CAMSAP3: variants seen among roughly 807,000 people sequenced by gnomAD.
CAMSAP3 encodes the protein calmodulin regulated spectrin associated protein family member 3, also known as calmodulin-regulated spectrin-associated protein 3.
A neutral mutation model predicts 112.5 loss-of-function variants in CAMSAP3; 34 were observed. The observed-to-expected ratio is 0.30, with a 90% confidence interval of 0.23 to 0.40. The LOEUF (loss-of-function observed/expected upper bound fraction) is 0.40, where lower values mean the gene tolerates loss of function less well. CAMSAP3 is among the 10% of genes least tolerant of loss of function. CAMSAP3 has a pLI of 1.00. For missense variants in CAMSAP3, 1,602 were observed against 1,770.3 expected, an observed-to-expected ratio of 0.90 and a Z score of 1.71; for synonymous variants, 868 against 799.8, an observed-to-expected ratio of 1.09 and a Z score of -1.44.
Position 7,617,777 on chromosome 19 carries a change from A to G in CAMSAP3, c.3470A>G (p.His1157Arg). The change falls in exon 17 of 17, where the codon CAC becomes CGC. Residue 1157 changes from histidine to arginine, a missense_variant. Physicochemically the swap from His to Arg is conservative, Grantham distance 29. Coordinates refer to ENST00000160298, the MANE Select transcript of CAMSAP3 (RefSeq NM_020902.2). The surrounding 1 kb of genome is among the most constrained non-coding windows in gnomAD (Gnocchi z 7.5). ...LEEIEKSKAN[H>R]FLILFRDSSC... ...GAAATTGAGAAAAGCAAGGCCAACC[A>G]CTTCCTGATCCTCTTTCGCGACTCG... 6.2e-7 allele frequency: 1 copy of G among 1,612,616 alleles called. No individual in the cohort carries two copies. The highest frequency in any genetic ancestry group is 8.5e-7 in the Non-Finnish European group (1 of 1,178,958).
chr19:7,595,975 A>ACCCGGCGCCCGCAGC lies in CAMSAP3; in HGVS notation c.-18_-4dup, dbSNP rs2024428281. ...CCAGCCCAGCCCAGTCCGAGCGCGGACCCGGCGCCCGCAGCCCCGGCGCCG... is the reference window on the plus strand; with the variant it reads ...CCAGCCCAGCCCAGTCCGAGCGCGGACCCGGCGCCCGCAGCCCCGGCGCCCGCAGCCCCGGCGCCG... On this transcript the variant is annotated 5_prime_UTR_variant, in exon 1 of 17. Transcript: ENST00000160298. 11 of 1,036,258 alleles carry ACCCGGCGCCCGCAGC rather than the reference A, an allele frequency of 1.1e-5. No homozygotes were observed. The highest frequency in any genetic ancestry group is 1.0e-5 in the Non-Finnish European group (9 of 858,316). The allele number at this position is 1,036,258 out of a possible 1,614,324, so 64.2% of individuals were successfully genotyped here.
chr19:7,605,205 T>C (rs1341491650), intron 1 of CAMSAP3, 21 bp from the exon 2 acceptor site: 1 of 1,438,086 alleles, frequency 7.0e-7, no homozygotes, highest in Non-Finnish European at 9.3e-7. Context: ...ACCCCCGTGT[T>C]TCCCCTCTAT....
At chr19:7,614,714 C>G in intron 11 of CAMSAP3, 1 of 196,274 alleles carries the variant, frequency 5.1e-6, no homozygotes, top group Admixed American at 5.4e-5. Flanking sequence ...CTTGTACTTC[C>G]GTGCCCCCCA....
At position 7,611,033 on chromosome 19, in the gene CAMSAP3, C is replaced by T; in HGVS notation, c.1050-62C>T. The stretch of plus-strand genomic sequence containing the variant: ...GCAGCTGGGTGATGCTGTTGTCTCC[C>T]CCCGGGGAGAGGCGGAGGAGGAGGT... On this transcript the variant is annotated intron_variant, in intron 8 of 16. Coordinates refer to ENST00000160298, the MANE Select transcript of CAMSAP3 (RefSeq NM_020902.2). This position sits in a 1 kb window ranked among gnomAD's most constrained non-coding sequence, Gnocchi z 6.9. The T allele has an allele frequency of 3.1e-6, 5 of 1,602,726 alleles. No homozygotes were observed. The highest frequency in any genetic ancestry group is 1.1e-5 in the South Asian group (1 of 90,412).
At chr19:7,606,074 C>T (rs1221496183) in intron 2 of CAMSAP3, among the ~76,000 whole-genome samples, 197 bp from the exon 3 acceptor site, 2 of 152,230 alleles carry the variant, frequency 1.3e-5, no homozygotes, top group East Asian at 1.9e-4. Flanking sequence ...ACCCATCGTG[C>T]GTGGCTTTTC....
chr19:7,612,489 C>T lies in CAMSAP3; in HGVS notation c.1996C>T (p.Arg666Trp), dbSNP rs770499539. 2.6e-6 allele frequency: 4 copies of T among 1,553,076 alleles called. No individual in the cohort carries two copies. Among genetic ancestry groups the T allele is most frequent in the South Asian group, 1.2e-5 (1 of 84,988 alleles). The change falls in exon 11 of 17, where the codon CGG (arginine) becomes TGG (tryptophan). Residue 666 changes from arginine to tryptophan, a missense_variant. Physicochemically the swap from Arg to Trp is moderately radical, Grantham distance 101. Around this residue, in one of 6 missense-constraint regions of CAMSAP3, gnomAD observed 1,100 missense variants for 1,135.7 expected, o/e 0.97. Coordinates refer to ENST00000160298, the MANE Select transcript of CAMSAP3 (RefSeq NM_020902.2). Reference protein sequence around the residue: ...ADSGPVPGGERPAGEGQGEPT... With the variant: ...ADSGPVPGGEWPAGEGQGEPT... ...TTCCGGTCCAGTCCCTGGTGGGGAG[C>T]GGCCCGCAGGCGAGGGCCAGGGTGA...
In CAMSAP3 at chr19:7,595,881, G is replaced by C; in HGVS notation, c.-122G>C. 2 of 265,892 alleles carry C rather than the reference G, an allele frequency of 7.5e-6. No homozygotes were observed. The highest frequency in any genetic ancestry group is 9.9e-6 in the Non-Finnish European group (2 of 201,830). 16.5% of individuals were successfully genotyped at this position (265,892 alleles called of 1,614,324 possible). A position where few individuals can be genotyped will look rare whatever the true frequency, so the allele number is the denominator to read the frequency against. On this transcript the variant is annotated 5_prime_UTR_variant, in exon 1 of 17. Coordinates refer to ENST00000160298, the MANE Select transcript of CAMSAP3 (RefSeq NM_020902.2). Reference sequence around the variant, plus strand: ...AGCGGCCGCACCTGGCTCAGCAGCGGCGGCGGCGGCGGCGGCGGCAGCGGC... The same window carrying C: ...AGCGGCCGCACCTGGCTCAGCAGCGCCGGCGGCGGCGGCGGCGGCAGCGGC...
At chr19:7,616,204 A>G (rs1413182484) in intron 13 of CAMSAP3, among the ~76,000 whole-genome samples, 1 of 151,886 alleles carries the variant, frequency 6.6e-6, no homozygotes, top group Non-Finnish European at 1.5e-5. Context: ...AGACAAAAAA[A>G]AAAAAAAAAG....
chr19:7,618,132 T>G lies in CAMSAP3; in HGVS notation c.*75T>G. The G allele has an allele frequency of 6.7e-7, 1 of 1,495,538 alleles. No homozygotes were observed. The highest frequency in any genetic ancestry group is 9.0e-7 in the Non-Finnish European group (1 of 1,107,256). 92.6% of individuals were successfully genotyped at this position (1,495,538 alleles called of 1,614,324 possible). On this transcript the variant is annotated 3_prime_UTR_variant, in exon 17 of 17. Transcript: ENST00000160298. ...CCCCTGGAGGACAGTCAGTCGGTAT[T>G]CCTGGGTCCTGTCTGTCCCCAACCG... is the stretch of plus-strand genomic sequence containing the variant.
rs375271821 is a variant in CAMSAP3 at position 7,618,090 on chromosome 19, T to G, written c.*33T>G. Reference sequence around the variant, plus strand: ...CGGGCGGTCCACGGGCCGGGCCCTGTGTGCTGCGGCCGCCATCCCCTGGAG... The same window carrying G: ...CGGGCGGTCCACGGGCCGGGCCCTGGGTGCTGCGGCCGCCATCCCCTGGAG... On this transcript the variant is annotated 3_prime_UTR_variant, in exon 17 of 17. Coordinates refer to ENST00000160298, the MANE Select transcript of CAMSAP3 (RefSeq NM_020902.2). 11 of 1,589,368 alleles carry G rather than the reference T, an allele frequency of 6.9e-6. No individual in the cohort carries two copies. Among genetic ancestry groups the G allele is most frequent in the Non-Finnish European group, 9.4e-6 (11 of 1,168,024 alleles).
At chr19:7,605,197 C>A in intron 1 of CAMSAP3, 29 bp from the exon 2 acceptor site, 9 of 1,324,572 alleles carry the variant, frequency 6.8e-6, no homozygotes, top group Non-Finnish European at 9.1e-6. Flanking sequence ...TGACCCTGAC[C>A]CCCGTGTTTC....
Position 7,607,732 on chromosome 19 carries a change from A to G in CAMSAP3, c.622-394A>G. On this transcript the variant is annotated intron_variant, in intron 4 of 16. Transcript: ENST00000160298. The surrounding 1 kb of genome is among the most constrained non-coding windows in gnomAD (Gnocchi z 4.9). ...ACGGCCGGGGCTCAGGACCAGGGTC[A>G]GGGCTACCCCCTCCCCCCCAAGGTG... The G allele has an allele frequency of 1.9e-6, 1 of 524,050 alleles. No homozygotes were observed. The highest frequency in any genetic ancestry group is 2.0e-5 in the African/African-American group (1 of 50,404). The allele number at this position is 524,050 out of a possible 1,614,324, so 32.5% of individuals were successfully genotyped here.
At chr19:7,596,313 G>A (rs1414816572) in intron 1 of CAMSAP3, among the ~76,000 whole-genome samples, 163 bp downstream of exon 1, 2 of 150,334 alleles carry the variant, frequency 1.3e-5, no homozygotes, top group East Asian at 4.0e-4. Context: ...GGGCCTCCGA[G>A]CTTCCTGCTC....
Position 7,615,057 on chromosome 19 carries a change from G to C in CAMSAP3, c.2671-126G>C, listed in dbSNP as rs957317942. ...TGTGCATACAGTAGGCACCAACTAAGTGCATTTAGAACAATGATGAAAACA... is the reference window on the plus strand; with the variant it reads ...TGTGCATACAGTAGGCACCAACTAACTGCATTTAGAACAATGATGAAAACA... On this transcript the variant is annotated intron_variant, in intron 11 of 16. Transcript: ENST00000160298. This position sits in a 1 kb window ranked among gnomAD's most constrained non-coding sequence, Gnocchi z 6.5. 5.2e-6 allele frequency: 6 copies of C among 1,159,934 alleles called. No homozygotes were observed. In the Admixed American group the frequency reaches 8.1e-5, roughly 16 times the overall value. 71.9% of individuals were successfully genotyped at this position (1,159,934 alleles called of 1,614,324 possible).
intron 1 of CAMSAP3, among the ~76,000 whole-genome samples, chr19:7,597,408 A>G (rs2024463288): frequency 6.6e-6 from 1 of 152,238 alleles, no homozygotes; most frequent in Non-Finnish European, 1.5e-5. Flanking sequence ...ACCAGGCTGT[A>G]GAGAACTCAA....
intron 11 of CAMSAP3, chr19:7,614,755 A>C: frequency 4.7e-6 from 1 of 214,828 alleles, no homozygotes; most frequent in Non-Finnish European, 9.4e-6. Flanking sequence ...GGGCCTCGGC[A>C]CTAGCTGTCC....
Position 7,607,720 on chromosome 19 carries a change from A to T in CAMSAP3, c.622-406A>T. 1 of 467,160 alleles carries T rather than the reference A, an allele frequency of 2.1e-6. No homozygotes were observed. 28.9% of individuals were successfully genotyped at this position (467,160 alleles called of 1,614,324 possible). A position where few individuals can be genotyped will look rare whatever the true frequency, so the allele number is the denominator to read the frequency against. ...TCAGGGAGCTGGACGGCCGGGGCTC[A>T]GGACCAGGGTCAGGGCTACCCCCTC... On this transcript the variant is annotated intron_variant, in intron 4 of 16. Transcript: ENST00000160298. This position sits in a 1 kb window ranked among gnomAD's most constrained non-coding sequence, Gnocchi z 4.9.
In CAMSAP3 at chr19:7,615,330, C is replaced by T. The variant is rs768247647; in HGVS notation, c.2810+8C>T. 9 of 1,540,418 alleles carry T rather than the reference C, an allele frequency of 5.8e-6. No individual in the cohort carries two copies. The East Asian group carries it at 9.8e-5, about 17-fold the overall frequency. The stretch of plus-strand genomic sequence containing the variant: ...GAGGGAGGAGGCCGCGAGGTGAGGC[C>T]GGGCCTGCCCGGGACGCCCGCTCCT... On this transcript the variant is annotated splice_region_variant and intron_variant, in intron 12 of 16. Transcript: ENST00000160298. This position sits in a 1 kb window ranked among gnomAD's most constrained non-coding sequence, Gnocchi z 6.5.
Position 7,610,558 on chromosome 19 carries a change from T to C in CAMSAP3, c.843T>C (p.Leu281=). 1.9e-6 allele frequency: 3 copies of C among 1,613,788 alleles called. No homozygotes were observed. Among genetic ancestry groups the C allele is most frequent in the Non-Finnish European group, 2.5e-6 (3 of 1,179,992 alleles). The stretch of plus-strand genomic sequence containing the variant: ...TGCAGGATTTCTGTGCCTCTCGCCT[T>C]CCTCGTGGCTGCCCCCTGTCCCTTG... The part of the protein sequence containing the change: ...QLVQDFCASR[L]PRGCPLSLED... Residue 281 remains leucine (L), a synonymous_variant, in exon 6 of 17, where the codon CTT becomes CTC. Coordinates refer to ENST00000160298, the MANE Select transcript of CAMSAP3 (RefSeq NM_020902.2). This position sits in a 1 kb window ranked among gnomAD's most constrained non-coding sequence, Gnocchi z 4.9.
Sources: gnomAD v4.1 joint callset for allele counts (sites outside exome capture counted in the v4.1 genomes callset) on GRCh38, gnomAD v4.1.1 for gene constraint, gnomAD v4.1.1 regional missense constraint, Gnocchi (gnomAD v3.1) non-coding constraint, MANE v1.5 for transcripts, NCBI Gene and HGNC (gene_info 2026-07-23, HGNC 2026-07-21) for gene names.